Variants in MAGI1 observed in about 807,000 individuals in gnomAD.
MAGI1 encodes membrane-associated guanylate kinase, WW and PDZ domain-containing protein 1.
A neutral mutation model predicts 139.9 loss-of-function variants in MAGI1; 58 were observed. That is an observed-to-expected ratio of 0.41 (90% confidence interval 0.34 to 0.52). The LOEUF (loss-of-function observed/expected upper bound fraction) is 0.52, where lower values mean the gene tolerates loss of function less well. MAGI1 is among the 20% of genes least tolerant of loss of function. MAGI1 has a pLI of 0.12. For missense variants in MAGI1, 1,874 were observed against 1,901.6 expected (o/e 0.99, Z 0.27); for synonymous variants, 812 against 737.9 (o/e 1.10, Z -1.63).
intron 2 of MAGI1, among the ~76,000 whole-genome samples, chr3:65,505,108 G>T (rs2077229931): frequency 6.6e-6 from 1 of 152,128 alleles, no homozygotes; most frequent in Non-Finnish European, 1.5e-5. Context: ...GCTAAAAGTT[G>T]TCTATGAGAA....
chr3:65,769,122 G>A (rs2037742472), intron 1 of MAGI1, among the ~76,000 whole-genome samples: 2 of 152,142 alleles, frequency 1.3e-5, no homozygotes, highest in Non-Finnish European at 2.9e-5. Context: ...CTTTCTTACT[G>A]AAGAAAATAA....
chr3:65,708,823 T>C (rs1266571074), intron 1 of MAGI1, among the ~76,000 whole-genome samples: 1 of 152,208 alleles, frequency 6.6e-6, no homozygotes, highest in South Asian at 2.1e-4. Flanking sequence ...CTTTCTTCTT[T>C]TTCTTCTTCA....
At chr3:65,678,167 G>A (rs983614525) in intron 1 of MAGI1, among the ~76,000 whole-genome samples, 4 of 152,072 alleles carry the variant, frequency 2.6e-5, no homozygotes, top group Non-Finnish European at 4.4e-5. Flanking sequence ...ACCAGGGACC[G>A]TCAGAGGATG....
chr3:65,719,985 A>G (rs1222685554), intron 1 of MAGI1: 1 of 152,162 alleles, frequency 6.6e-6, no homozygotes, highest in African/African-American at 2.4e-5. Flanking sequence ...TCTTACCCTG[A>G]CAGGTAGCGG....
Position 65,680,281 on chromosome 3 carries a change from C to T in MAGI1, c.314-58193G>A, listed in dbSNP as rs1020912688. Among the ~76,000 whole-genome samples the T allele has an allele frequency of 2.6e-5, 4 of 152,194 alleles. No homozygotes were observed. In the East Asian group the frequency reaches 7.7e-4, roughly 29 times the overall value. On this transcript the variant is annotated intron_variant, in intron 1 of 22. Coordinates refer to ENST00000402939, the MANE Select transcript of MAGI1 (RefSeq NM_001033057.2). Reference sequence around the variant, plus strand: ...AGCAGGTCTTCGACAAGCTATACGGCACCATCTCTGGCAGGTCATTCATTT... The same window carrying T: ...AGCAGGTCTTCGACAAGCTATACGGTACCATCTCTGGCAGGTCATTCATTT...
intron 1 of MAGI1, among the ~76,000 whole-genome samples, chr3:65,880,418 C>A (rs1221275857): frequency 6.6e-6 from 1 of 152,100 alleles, no homozygotes; most frequent in Non-Finnish European, 1.5e-5. Flanking sequence ...ATATATACAA[C>A]ATCTCATATC....
chr3:65,785,584 T>G (rs977288158), intron 1 of MAGI1, among the ~76,000 whole-genome samples: 2 of 152,222 alleles, frequency 1.3e-5, no homozygotes, highest in Non-Finnish European at 2.9e-5. Flanking sequence ...TGAGATAATA[T>G]AAATCATCAC....
chr3:65,388,589 A>G (rs1377863529), intron 14 of MAGI1, among the ~76,000 whole-genome samples: 1 of 152,128 alleles, frequency 6.6e-6, no homozygotes, highest in Non-Finnish European at 1.5e-5. Context: ...GTGCTGTGAA[A>G]ATAAGAAAAT....
chr3:65,553,153 T>C (rs1204627101), intron 2 of MAGI1, among the ~76,000 whole-genome samples: 1 of 152,170 alleles, frequency 6.6e-6, no homozygotes, highest in East Asian at 1.9e-4. Flanking sequence ...TTGGTTTTTT[T>C]TTTTGAGCCC....
intron 1 of MAGI1, among the ~76,000 whole-genome samples, chr3:65,968,562 GGTGT>G (rs1230822404): frequency 6.6e-6 from 1 of 151,410 alleles, no homozygotes; most frequent in Non-Finnish European, 1.5e-5. Context: ...TTTAAAATAA[GGTGT>G]GTGTGTATAT....
At chr3:65,429,476 T>A in intron 12 of MAGI1, 44 bp downstream of exon 12, 1 of 1,535,366 alleles carries the variant, frequency 6.5e-7, no homozygotes, top group Non-Finnish European at 8.7e-7. Flanking sequence ...AGCAATGAAT[T>A]TGGGATAAAA....
chr3:65,948,294 C>T (rs1447891958), intron 1 of MAGI1, among the ~76,000 whole-genome samples: 1 of 152,154 alleles, frequency 6.6e-6, no homozygotes, highest in Non-Finnish European at 1.5e-5. Flanking sequence ...GGACACTCTG[C>T]CCTGGAATAT....
chr3:65,459,338 A>T (rs1448294520), intron 5 of MAGI1, among the ~76,000 whole-genome samples: 1 of 152,144 alleles, frequency 6.6e-6, no homozygotes, highest in Admixed American at 6.5e-5. Flanking sequence ...TCTGTGAGGA[A>T]TATCTTTGGT....
At chr3:65,419,976 G>A (rs553373750) in intron 12 of MAGI1, among the ~76,000 whole-genome samples, 7 of 151,960 alleles carry the variant, frequency 4.6e-5, no homozygotes, top group Non-Finnish European at 1.0e-4. Flanking sequence ...TATTCTTTAG[G>A]TGTCCCAAGT....
intron 1 of MAGI1, among the ~76,000 whole-genome samples, chr3:65,950,667 A>G (rs2063792434): frequency 6.6e-6 from 1 of 152,186 alleles, no homozygotes; most frequent in African/African-American, 2.4e-5. Flanking sequence ...AGAATTTGTA[A>G]ATCCCTCTTC....
intron 1 of MAGI1, among the ~76,000 whole-genome samples, chr3:65,795,082 T>G (rs1340820989): frequency 6.6e-6 from 1 of 152,110 alleles, no homozygotes; most frequent in Non-Finnish European, 1.5e-5. Context: ...GGAAAACAGT[T>G]TGACACTTTC....
chr3:66,017,904 T>TA (rs201700745), intron 1 of MAGI1, among the ~76,000 whole-genome samples: 1,597 of 152,238 alleles, frequency 0.01, 80 homozygotes, highest in Admixed American at 0.091. Context: ...TTAGAATAGT[T>TA]AAACAATGAG....
At chr3:65,800,313 AG>A (rs1220110973) in intron 1 of MAGI1, among the ~76,000 whole-genome samples, 2 of 152,244 alleles carry the variant, frequency 1.3e-5, no homozygotes, top group Non-Finnish European at 2.9e-5. Flanking sequence ...TGTAGGAGCA[AG>A]CAAAGTTTTA....
intron 2 of MAGI1, among the ~76,000 whole-genome samples, chr3:65,507,019 T>C (rs1453755860): frequency 2.0e-5 from 3 of 152,180 alleles, no homozygotes; most frequent in Non-Finnish European, 2.9e-5. Context: ...CCATCAAGTA[T>C]ACATATGGCT....
Sources: allele counts gnomAD v4.1 joint callset (sites outside exome capture counted in the v4.1 genomes callset), GRCh38; gene constraint gnomAD v4.1.1; transcripts MANE v1.5; gene names NCBI Gene and HGNC (gene_info 2026-07-23, HGNC 2026-07-21).